Variants in SUGCT observed in about 807,000 individuals in gnomAD.
The protein encoded by SUGCT is succinyl-CoA:glutarate CoA-transferase.
In SUGCT, 41 loss-of-function variants were observed where a neutral mutation model predicts 55.0. That is an observed-to-expected ratio of 0.74 (90% CI 0.58 to 0.97). The LOEUF (loss-of-function observed/expected upper bound fraction) is 0.97. Ranked by LOEUF, SUGCT falls within the 50% of genes least tolerant of loss-of-function variation. SUGCT has a pLI of 0.00. For missense variants in SUGCT, 568 were observed against 547.8 expected, an observed-to-expected ratio of 1.04 and a Z score of -0.37; for synonymous variants, 187 against 200.4, an observed-to-expected ratio of 0.93 and a Z score of 0.56.
Position 40,859,969 on chromosome 7 carries a change from C to T in SUGCT, c.1154-347C>T, listed in dbSNP as rs141751525. On this transcript the variant is annotated intron_variant, in intron 13 of 13. Transcript: ENST00000335693. ...GAGAGACACTACGTTTCTGTGGTCA[C>T]TGTTCTTTCCTACCTAGAGTTCACT... 3.5e-3 allele frequency among the ~76,000 whole-genome samples: 540 copies of T among 152,312 alleles called. 2 individuals are homozygous for T. The highest frequency in any genetic ancestry group is 0.012 in the African/African-American group (507 of 41,578).
intron 6 of SUGCT, among the ~76,000 whole-genome samples, chr7:40,198,681 C>G (rs189245819): frequency 7.0e-6 from 1 of 142,366 alleles, no homozygotes; most frequent in African/African-American, 3.1e-5. Context: ...ACCAACATGA[C>G]AAAACCCCCG....
the SUGCT span, among the ~76,000 whole-genome samples, chr7:40,871,313 C>T: frequency 6.6e-6 from 1 of 152,170 alleles, no homozygotes; most frequent in Non-Finnish European, 1.5e-5. Flanking sequence ...AACTAGCATG[C>T]TACATGTCTG....
At chr7:41,037,516 T>A in the SUGCT span, among the ~76,000 whole-genome samples, 1,319 of 150,956 alleles carry the variant, frequency 8.7e-3, 16 homozygotes, top group African/African-American at 0.03. Flanking sequence ...TTTTTTTTTT[T>A]ATTTCAGAAC....
chr7:40,607,267 C>G (rs1373905258), intron 12 of SUGCT, among the ~76,000 whole-genome samples: 1 of 152,054 alleles, frequency 6.6e-6, no homozygotes, highest in Non-Finnish European at 1.5e-5. Flanking sequence ...CCACACTCAG[C>G]TAATTTTTAA....
At chr7:40,624,983 G>A (rs893322254) in intron 12 of SUGCT, among the ~76,000 whole-genome samples, 7 of 151,928 alleles carry the variant, frequency 4.6e-5, no homozygotes, top group African/African-American at 1.7e-4. Flanking sequence ...TTCCCCCCCA[G>A]TTGAAAATGC....
At chr7:40,974,229 C>T in the SUGCT span, among the ~76,000 whole-genome samples, 13 of 152,226 alleles carry the variant, frequency 8.5e-5, no homozygotes, top group African/African-American at 3.1e-4. Context: ...GCCCTGCTAC[C>T]AAAGCAGGAA....
At chr7:40,716,259 G>T (rs1284128406) in intron 12 of SUGCT, among the ~76,000 whole-genome samples, 3 of 152,090 alleles carry the variant, frequency 2.0e-5, no homozygotes, top group African/African-American at 7.2e-5. Context: ...ATTCCATCAG[G>T]TCAGAAGAGT....
chr7:40,178,600 A>T (rs575036896), intron 1 of SUGCT, among the ~76,000 whole-genome samples: 1 of 152,182 alleles, frequency 6.6e-6, no homozygotes, highest in East Asian at 1.9e-4. Flanking sequence ...GAGAAATTCA[A>T]TGTCCTCCTG....
intron 9 of SUGCT, among the ~76,000 whole-genome samples, chr7:40,341,193 C>T (rs1797024513): frequency 6.6e-6 from 1 of 152,104 alleles, no homozygotes; most frequent in South Asian, 2.1e-4. Context: ...TAGTAAACTC[C>T]AGAAATTGTA....
chr7:40,448,918 G>GTA (rs1554341074), intron 9 of SUGCT, among the ~76,000 whole-genome samples: 3 of 142,710 alleles, frequency 2.1e-5, no homozygotes, highest in Admixed American at 7.0e-5. Context: ...GTGTGTGTGT[G>GTA]TATATATGTG....
chr7:40,663,653 T>G (rs992559454), intron 12 of SUGCT, among the ~76,000 whole-genome samples: 2 of 152,158 alleles, frequency 1.3e-5, no homozygotes, highest in Non-Finnish European at 2.9e-5. Context: ...TCTAGTACTC[T>G]GCCCACCTGC....
chr7:41,015,452 G>A, the SUGCT span, among the ~76,000 whole-genome samples: 1 of 152,082 alleles, frequency 6.6e-6, no homozygotes, highest in Non-Finnish European at 1.5e-5. Flanking sequence ...AGGATTCCCA[G>A]GCCCTACTCC....
intron 9 of SUGCT, among the ~76,000 whole-genome samples, chr7:40,393,294 A>G (rs937402618): frequency 2.6e-5 from 4 of 152,178 alleles, no homozygotes; most frequent in African/African-American, 9.7e-5. Flanking sequence ...AACAGACACA[A>G]TTTCAGAAAA....
intron 8 of SUGCT, 99 bp from the exon 9 acceptor site, chr7:40,316,661 A>G (rs910203912): frequency 6.9e-6 from 5 of 727,208 alleles, no homozygotes; most frequent in African/African-American, 5.4e-5. Flanking sequence ...TTCTTCTACA[A>G]TGAGATGAAG....
chr7:40,973,843 A>G, the SUGCT span, among the ~76,000 whole-genome samples: 2 of 152,164 alleles, frequency 1.3e-5, no homozygotes, highest in Admixed American at 6.5e-5. Flanking sequence ...ATAACCCAAG[A>G]CAGTATTTTG....
intron 6 of SUGCT, among the ~76,000 whole-genome samples, chr7:40,208,329 A>T (rs1787116728): frequency 2.0e-5 from 3 of 152,178 alleles, no homozygotes; most frequent in Non-Finnish European, 4.4e-5. Flanking sequence ...AAAATGGTTA[A>T]AACTAATTTT....
chr7:40,468,353 G>T (rs1220434555), intron 11 of SUGCT, among the ~76,000 whole-genome samples: 3 of 151,942 alleles, frequency 2.0e-5, no homozygotes, highest in Non-Finnish European at 4.4e-5. Flanking sequence ...ATTTTCTCAT[G>T]TTTAATTTCT....
At chr7:40,257,385 A>G (rs1790880618) in intron 7 of SUGCT, among the ~76,000 whole-genome samples, 1 of 152,126 alleles carries the variant, frequency 6.6e-6, no homozygotes, top group African/African-American at 2.4e-5. Context: ...TTATCTATAT[A>G]TGGCACTGGT....
At chr7:40,813,097 T>A (rs1461463058) in intron 13 of SUGCT, among the ~76,000 whole-genome samples, 1 of 152,168 alleles carries the variant, frequency 6.6e-6, no homozygotes, top group African/African-American at 2.4e-5. Flanking sequence ...TTTGATTTTT[T>A]AAAAAAATTA....
Sources: allele counts gnomAD v4.1 joint callset (sites outside exome capture counted in the v4.1 genomes callset), GRCh38; gene constraint gnomAD v4.1.1; transcripts MANE v1.5; gene names NCBI Gene and HGNC (gene_info 2026-07-23, HGNC 2026-07-21).